Variants in ABL1 observed in about 807,000 individuals in gnomAD.
ABL1 encodes the protein tyrosine-protein kinase ABL1.
A neutral mutation model predicts 94.7 loss-of-function variants in ABL1; 11 were observed. That is an observed-to-expected ratio of 0.12 (90% confidence interval 0.07 to 0.19). ABL1 has a LOEUF of 0.19. Ranked by LOEUF, ABL1 falls within the 10% of genes least tolerant of loss-of-function variation. The probability of loss-of-function intolerance (pLI) is 1.00; values close to 1 mark genes in which losing one functional copy is unlikely to be tolerated. For missense variants in ABL1, 1,082 were observed against 1,489.4 expected (o/e 0.73, Z 4.50); for synonymous variants, 656 against 622.4 (o/e 1.05, Z -0.80).
intron 3 of ABL1, among the ~76,000 whole-genome samples, chr9:130,857,042 C>G (rs1189250536): frequency 1.3e-5 from 2 of 152,188 alleles, no homozygotes; most frequent in African/African-American, 4.8e-5. Context: ...TCTTACCTAC[C>G]CTTACTGTAT....
chr9:130,858,061 A>G (rs189890873), intron 3 of ABL1, among the ~76,000 whole-genome samples: 18 of 152,094 alleles, frequency 1.2e-4, no homozygotes, highest in African/African-American at 4.3e-4. Flanking sequence ...CATGTGTGCT[A>G]TTTATCCAAG....
At chr9:130,859,233 G>T (rs1831023834) in intron 3 of ABL1, among the ~76,000 whole-genome samples, 1 of 152,166 alleles carries the variant, frequency 6.6e-6, no homozygotes, top group South Asian at 2.1e-4. Context: ...ATTCCTTCTA[G>T]TCCTTAATAG....
intron 1 of ABL1, among the ~76,000 whole-genome samples, chr9:130,740,773 G>A (rs1019428975): frequency 6.6e-6 from 1 of 150,762 alleles, no homozygotes; most frequent in Non-Finnish European, 1.5e-5. Flanking sequence ...CTCCCACCTC[G>A]GTCTCTTGAG....
At chr9:130,767,590 T>TC (rs1194464094) in intron 1 of ABL1, among the ~76,000 whole-genome samples, 1 of 152,136 alleles carries the variant, frequency 6.6e-6, no homozygotes, top group Non-Finnish European at 1.5e-5. Flanking sequence ...GCCTGGGCCC[T>TC]CCAAAGTGCT....
chr9:130,775,747 T>TA lies in ABL1; in HGVS notation c.136+61303dup, dbSNP rs573902785. ...AATCAGAGCAAATCCCACGTGGAAT[T>TA]AAAAAAAAAAAGTCTTCTCCAAATA... On this transcript the variant is annotated intron_variant, in intron 1 of 10. Transcript: ENST00000372348. 1.8e-3 allele frequency among the ~76,000 whole-genome samples: 252 copies of TA among 143,782 alleles called. 1 individual carries two copies. The highest frequency in any genetic ancestry group is 0.011 in the Middle Eastern group (3 of 282). The allele number at this position is 143,782 out of a possible 152,430, so 94.3% of individuals were successfully genotyped here.
At chr9:130,745,061 G>A (rs1461576647) in intron 1 of ABL1, among the ~76,000 whole-genome samples, 3 of 149,954 alleles carry the variant, frequency 2.0e-5, no homozygotes, top group Middle Eastern at 3.5e-3. Flanking sequence ...TGAGAAGGGT[G>A]TTATCCCTTC....
rs529240314 is a variant in ABL1 at position 130,863,373 on chromosome 9, C to G, written c.822+338C>G. Among the ~76,000 whole-genome samples, 23 of 152,232 alleles carry G rather than the reference C, an allele frequency of 1.5e-4. No individual in the cohort carries two copies. The South Asian group carries it at 4.6e-3, about 30-fold the overall frequency. On this transcript the variant is annotated intron_variant, in intron 4 of 10. Coordinates refer to ENST00000318560, the MANE Select transcript of ABL1 (RefSeq NM_005157.6). The surrounding 1 kb of genome is among the most constrained non-coding windows in gnomAD (Gnocchi z 4.3). Reference sequence around the variant, plus strand: ...TGTTCGTGCGGCATGGAGATCACTTCCTACCGAGAGTTAAGGAGGAAAAAA... The same window carrying G: ...TGTTCGTGCGGCATGGAGATCACTTGCTACCGAGAGTTAAGGAGGAAAAAA...
In ABL1 at chr9:130,784,307, CAT is replaced by C. The variant is rs541731031; in HGVS notation, c.137-69753_137-69752del. Among the ~76,000 whole-genome samples, 194 of 152,212 alleles carry C rather than the reference CAT, an allele frequency of 1.3e-3. 2 individuals are homozygous for C. In the Middle Eastern group the frequency reaches 0.014, roughly 11 times the overall value. Reference sequence around the variant, plus strand: ...CCCCCAACCCCTGCCCTTTTAAAGACATATAGTAATATAGTGGGGTTATAGGT... The same window carrying C: ...CCCCCAACCCCTGCCCTTTTAAAGACATAGTAATATAGTGGGGTTATAGGT... On this transcript the variant is annotated intron_variant, in intron 1 of 10. Transcript: ENST00000372348.
In ABL1 at chr9:130,814,673, C is replaced by T. The variant is rs186660152; in HGVS notation, c.137-39391C>T. Among the ~76,000 whole-genome samples, 32 of 151,772 alleles carry T rather than the reference C, an allele frequency of 2.1e-4. No individual in the cohort carries two copies. In the East Asian group the frequency reaches 6.1e-3, roughly 29 times the overall value. On this transcript the variant is annotated intron_variant, in intron 1 of 10. Coordinates refer to the ABL1 transcript ENST00000372348. The surrounding 1 kb of genome is among the most constrained non-coding windows in gnomAD (Gnocchi z 4.4). ...TGGGCGGATCACGAGGTCAGGAGAC[C>T]GAGACCATCCTTGCTAACACGGTGA...
At position 130,878,558 on chromosome 9, in the gene ABL1, A is replaced by T; in HGVS notation, c.1414A>T (p.Met472Leu). The stretch of plus-strand genomic sequence containing the variant: ...CTGCCCAGAGAAGGTCTATGAACTC[A>T]TGCGAGCATGTAAGCCTTCCTCAGC... ...EGCPEKVYELMRACWQWNPSD... is the reference protein window; with the variant it reads ...EGCPEKVYELLRACWQWNPSD... Residue 472 changes from methionine to leucine, a missense_variant, in exon 8 of 11, where the codon ATG becomes TTG. By Grantham distance (15) the Met-to-Leu change is conservative. Transcript: ENST00000318560. 1 of 1,614,148 alleles carries T rather than the reference A, an allele frequency of 6.2e-7. No homozygotes were observed. The highest frequency in any genetic ancestry group is 8.5e-7 in the Non-Finnish European group (1 of 1,180,006).
intron 1 of ABL1, among the ~76,000 whole-genome samples, chr9:130,815,231 G>T (rs547451334): frequency 6.6e-6 from 1 of 152,244 alleles, no homozygotes; most frequent in South Asian, 2.1e-4. Context: ...CTACTCAGGA[G>T]GCTGAGGCAG....
intron 1 of ABL1, among the ~76,000 whole-genome samples, chr9:130,852,939 G>A (rs1341264995): frequency 7.2e-6 from 1 of 139,744 alleles, no homozygotes; most frequent in East Asian, 1.9e-4. Flanking sequence ...CGGGTGGGGT[G>A]TGTTAATAGC....
chr9:130,822,497 G>C (rs1176188559), intron 1 of ABL1, among the ~76,000 whole-genome samples: 2 of 145,768 alleles, frequency 1.4e-5, no homozygotes, highest in Non-Finnish European at 3.0e-5. Context: ...GTTCAGGCTG[G>C]CCTCAAACTC....
chr9:130,863,279 A>C lies in ABL1; in HGVS notation c.822+244A>C, dbSNP rs1261151775. Among the ~76,000 whole-genome samples, 8 of 152,150 alleles carry C rather than the reference A, an allele frequency of 5.3e-5. No individual in the cohort carries two copies. The East Asian group carries it at 1.3e-3, about 26-fold the overall frequency. ...AAGCATGGAGGGGTTTTGGTGTAAA[A>C]AGATTAGTCATTTGGAGAGGTTTTC... is the stretch of plus-strand genomic sequence containing the variant. On this transcript the variant is annotated intron_variant, in intron 4 of 10. Coordinates refer to ENST00000318560, the MANE Select transcript of ABL1 (RefSeq NM_005157.6). This position sits in a 1 kb window ranked among gnomAD's most constrained non-coding sequence, Gnocchi z 4.3.
At chr9:130,727,757 C>CG (rs1831606566) in intron 1 of ABL1, among the ~76,000 whole-genome samples, 1 of 132,964 alleles carries the variant, frequency 7.5e-6, no homozygotes, top group African/African-American at 3.3e-5. Context: ...CACCGCCCCC[C>CG]CCCCCCAAAA....
rs12352044 is a variant in ABL1 at position 130,758,728 on chromosome 9, C to T, written c.136+44273C>T. Among the ~76,000 whole-genome samples, 970 of 152,320 alleles carry T rather than the reference C, an allele frequency of 6.4e-3. 8 individuals carry two copies. The highest frequency in any genetic ancestry group is 0.022 in the African/African-American group (913 of 41,574). On this transcript the variant is annotated intron_variant, in intron 1 of 10. Coordinates refer to the ABL1 transcript ENST00000372348. ...GATTACAGGTGTGAGCCACCGCATC[C>T]GGCCCCAATTTATTCAACTTTGGAA...
chr9:130,827,084 A>G (rs1421422005), intron 1 of ABL1, among the ~76,000 whole-genome samples: 4 of 152,166 alleles, frequency 2.6e-5, no homozygotes, highest in Non-Finnish European at 5.9e-5. Context: ...CCTCAGAAAA[A>G]AAAAAGAAAA....
chr9:130,785,221 GGTGA>G (rs1204455490), intron 1 of ABL1, among the ~76,000 whole-genome samples: 1 of 152,174 alleles, frequency 6.6e-6, no homozygotes, highest in African/African-American at 2.4e-5. Context: ...GATTTTCACT[GGTGA>G]GTGAGTATCA....
At chr9:130,735,146 C>T (rs1831718412) in intron 1 of ABL1, among the ~76,000 whole-genome samples, 2 of 152,244 alleles carry the variant, frequency 1.3e-5, no homozygotes, top group South Asian at 4.1e-4. Flanking sequence ...TCTCCTGCCT[C>T]AGCCTTTTGA....
Sources: gnomAD v4.1 joint callset for allele counts (sites outside exome capture counted in the v4.1 genomes callset) on GRCh38, gnomAD v4.1.1 for gene constraint, Gnocchi (gnomAD v3.1) non-coding constraint, MANE v1.5 for transcripts, NCBI Gene and HGNC (gene_info 2026-07-23, HGNC 2026-07-21) for gene names.